Variants in ACOT12 observed in about 807,000 individuals in gnomAD.
ACOT12 encodes acetyl-coenzyme A thioesterase.
A neutral mutation model predicts 67.7 loss-of-function variants in ACOT12; 51 were observed. That is an observed-to-expected ratio of 0.75 (90% CI 0.60 to 0.95). ACOT12 has a LOEUF of 0.95. Among genes scored for constraint, ACOT12 ranks in the 40% least tolerant of loss-of-function variants. The pLI, the probability that ACOT12 is intolerant of heterozygous loss-of-function variation, is 0.00. For missense variants in ACOT12, 734 were observed against 708.1 expected, an observed-to-expected ratio of 1.04 and a Z score of -0.41; for synonymous variants, 251 against 244.6, an observed-to-expected ratio of 1.03 and a Z score of -0.24.
downstream of ACOT12, among the ~76,000 whole-genome samples, chr5:81,328,221 C>T (rs1444432144): frequency 6.6e-6 from 1 of 152,144 alleles, no homozygotes; most frequent in Admixed American, 6.6e-5. Context: ...CCTACACTGA[C>T]CACCCTACTT....
chr5:81,338,730 C>G (rs945677709), intron 11 of ACOT12, among the ~76,000 whole-genome samples: 1 of 152,134 alleles, frequency 6.6e-6, no homozygotes, highest in African/African-American at 2.4e-5. Flanking sequence ...CTGGATCTTG[C>G]TAACATTTTA....
chr5:81,343,755 C>A (rs762241735), intron 10 of ACOT12, 63 bp downstream of exon 10: 1 of 1,543,880 alleles, frequency 6.5e-7, no homozygotes, highest in Non-Finnish European at 8.9e-7. Context: ...GTTAGGCAAG[C>A]GGATTTCCAT....
chr5:81,387,996 G>A (rs1295342521), intron 1 of ACOT12, among the ~76,000 whole-genome samples: 4 of 151,990 alleles, frequency 2.6e-5, no homozygotes, highest in African/African-American at 9.7e-5. Flanking sequence ...AATCATGACA[G>A]TTACTTTTTA....
chr5:81,373,456 C>A (rs995889933), intron 2 of ACOT12, among the ~76,000 whole-genome samples: 1 of 152,178 alleles, frequency 6.6e-6, no homozygotes. Flanking sequence ...GGGGAGACAC[C>A]GAGCTAGCTG....
intron 14 of ACOT12, 105 bp from the exon 15 acceptor site, chr5:81,330,648 T>G: frequency 6.7e-7 from 1 of 1,486,716 alleles, no homozygotes; most frequent in African/African-American, 1.4e-5. Context: ...GACCCTAATC[T>G]TCTGGGGGAC....
At chr5:81,359,863 C>A in intron 5 of ACOT12, 40 bp downstream of exon 5, 1 of 1,579,264 alleles carries the variant, frequency 6.3e-7, no homozygotes, top group Non-Finnish European at 8.6e-7. Context: ...TTGCCTGTCA[C>A]AGTTATAGAA....
the ACOT12 span, chr5:81,312,445 T>C: frequency 1.2e-6 from 1 of 869,424 alleles, no homozygotes; most frequent in Non-Finnish European, 1.8e-6. Flanking sequence ...TTGTGATTAT[T>C]CATATCAAAA....
intron 5 of ACOT12, among the ~76,000 whole-genome samples, chr5:81,350,542 C>T (rs1759521093): frequency 6.6e-6 from 1 of 152,156 alleles, no homozygotes; most frequent in Admixed American, 6.5e-5. Context: ...ACTAGGATCT[C>T]ATATTGCTTG....
the ACOT12 span, among the ~76,000 whole-genome samples, chr5:81,311,884 T>C: frequency 6.6e-6 from 1 of 152,196 alleles, no homozygotes; most frequent in African/African-American, 2.4e-5. Flanking sequence ...GATAATCCTA[T>C]GTGAAGGAAA....
Position 81,359,918 on chromosome 5 carries a change from T to C in ACOT12, c.481A>G (p.Ser161Gly). The C allele has an allele frequency of 6.2e-7, 1 of 1,606,924 alleles. No homozygotes were observed. Among genetic ancestry groups the C allele is most frequent in the Admixed American group, 1.7e-5 (1 of 57,772 alleles). ...EDTFNNLMKE[S>G]SKFDDLIFDE... ...ATTTACTGACCATCAAATTTGCTACTTTCCTTCATTAAATTGTTAAAGGTA... is the reference window on the plus strand; with the variant it reads ...ATTTACTGACCATCAAATTTGCTACCTTCCTTCATTAAATTGTTAAAGGTA... Residue 161 changes from serine (S) to glycine (G), a missense_variant, in exon 5 of 15, where the codon AGT becomes GGT. By Grantham distance (56) the Ser-to-Gly change is moderately conservative (BLOSUM62 0). Coordinates refer to ENST00000307624, the MANE Select transcript of ACOT12 (RefSeq NM_130767.3).
intron 3 of ACOT12, among the ~76,000 whole-genome samples, 177 bp from the exon 4 acceptor site, chr5:81,364,066 G>T (rs1238344305): frequency 6.6e-6 from 1 of 151,776 alleles, no homozygotes; most frequent in African/African-American, 2.4e-5. Flanking sequence ...TGGACAATTA[G>T]CTTTTTTCTG....
At chr5:81,362,314 C>T (rs978942036) in intron 4 of ACOT12, among the ~76,000 whole-genome samples, 3 of 151,926 alleles carry the variant, frequency 2.0e-5, no homozygotes, top group Admixed American at 1.3e-4. Flanking sequence ...TATAGGCATG[C>T]ACCACCACGC....
At chr5:81,356,011 G>A (rs951462222) in intron 5 of ACOT12, among the ~76,000 whole-genome samples, 6 of 152,138 alleles carry the variant, frequency 3.9e-5, no homozygotes, top group East Asian at 3.9e-4. Context: ...GATGACACTC[G>A]GGCTGTTGGG....
At position 81,360,934 on chromosome 5, in the gene ACOT12, C is replaced by T. The variant is rs111410518; in HGVS notation, c.361-896G>A. On this transcript the variant is annotated intron_variant, in intron 4 of 14. Coordinates refer to ENST00000307624, the MANE Select transcript of ACOT12 (RefSeq NM_130767.3). ...CTGTACTAAAAATACAAAAAGTAAC[C>T]GGGTATGGTGGAGCACACCTGTAAT... Among the ~76,000 whole-genome samples the T allele has an allele frequency of 6.7e-3, 1,018 of 151,546 alleles. 8 individuals are homozygous for T. Among genetic ancestry groups the T allele is most frequent in the African/African-American group, 0.024 (967 of 41,144 alleles).
At chr5:81,357,933 G>C (rs1347652254) in intron 5 of ACOT12, among the ~76,000 whole-genome samples, 1 of 150,170 alleles carries the variant, frequency 6.7e-6, no homozygotes, top group Non-Finnish European at 1.5e-5. Flanking sequence ...TTGAACCTGG[G>C]AGGCAGAGGT....
At chr5:81,379,454 A>T (rs1050387131) in intron 2 of ACOT12, among the ~76,000 whole-genome samples, 5 of 152,130 alleles carry the variant, frequency 3.3e-5, no homozygotes, top group Admixed American at 3.3e-4. Context: ...CGTTCTGCAC[A>T]TGTACCCCAG....
chr5:81,338,918 T>C (rs1334274922), intron 11 of ACOT12, among the ~76,000 whole-genome samples: 1 of 152,140 alleles, frequency 6.6e-6, no homozygotes. Flanking sequence ...CTGTCTCTAC[T>C]GAAAACACAA....
At chr5:81,351,418 G>C (rs1759549366) in intron 5 of ACOT12, among the ~76,000 whole-genome samples, 1 of 152,266 alleles carries the variant, frequency 6.6e-6, no homozygotes, top group African/African-American at 2.4e-5. Context: ...ATAGACCAAT[G>C]GAACAGAACT....
Position 81,344,141 on chromosome 5 carries a change from TA to T in ACOT12, c.980+18del. The T allele has an allele frequency of 6.2e-7, 1 of 1,612,102 alleles. No homozygotes were observed. The highest frequency in any genetic ancestry group is 8.5e-7 in the Non-Finnish European group (1 of 1,179,170). ...ATTAACGAAGACTCCATAAAATCAT[TA>T]CACCTTATGTTCCTTACCTGCCTAG... On this transcript the variant is annotated intron_variant, in intron 9 of 14. Coordinates refer to ENST00000307624, the MANE Select transcript of ACOT12 (RefSeq NM_130767.3).
Sources: gnomAD v4.1 joint callset for allele counts (sites outside exome capture counted in the v4.1 genomes callset) on GRCh38, gnomAD v4.1.1 for gene constraint, MANE v1.5 for transcripts, NCBI Gene and HGNC (gene_info 2026-07-23, HGNC 2026-07-21) for gene names.